The following RILPL2 variants were observed in gnomAD, a reference collection of about 807,000 sequenced individuals.
The protein encoded by RILPL2 is Rab interacting lysosomal protein like 2, also known as RILP-like protein 2.
A neutral mutation model predicts 22.2 loss-of-function variants in RILPL2; 19 were observed. That is an observed-to-expected ratio of 0.86 (90% CI 0.60 to 1.25). The LOEUF is 1.25. Ranked by LOEUF, RILPL2 falls within the 50% of genes most tolerant of loss-of-function variation. The pLI is 0.00. For synonymous variants in RILPL2, 123 were observed against 111.6 expected (o/e 1.10, Z -0.64); for missense variants, 243 against 263.6 (o/e 0.92, Z 0.54).
At position 123,430,565 on chromosome 12, in the gene RILPL2, C is replaced by T. The variant is rs762285761; in HGVS notation, c.434G>A (p.Arg145His). 1.2e-5 allele frequency: 19 copies of T among 1,612,680 alleles called. No homozygotes were observed. Among genetic ancestry groups the T allele is most frequent in the Admixed American group, 1.7e-5 (1 of 59,948 alleles). ...CAGGAGCTGCGACTTGAGTTTGTTG[C>T]GTTCCTGCAGCACATCCCTTAGCTC... ...LQELRDVLQE[R>H]NKLKSQLLVV... The change falls in exon 2 of 4, where the codon CGC (arginine) becomes CAC (histidine). Residue 145 changes from arginine (R) to histidine (H), a missense_variant. By Grantham distance (29) the Arg-to-His change is conservative. Coordinates refer to ENST00000280571, the MANE Select transcript of RILPL2 (RefSeq NM_145058.3).
At chr12:123,433,505 C>T (rs1004392881) in intron 1 of RILPL2, among the ~76,000 whole-genome samples, 1 of 152,178 alleles carries the variant, frequency 6.6e-6, no homozygotes, top group South Asian at 2.1e-4. Context: ...ACCTCTGCCA[C>T]CCGGGTTCAA....
intron 1 of RILPL2, among the ~76,000 whole-genome samples, chr12:123,435,042 T>C (rs1879755397): frequency 6.6e-6 from 1 of 150,878 alleles, no homozygotes. Flanking sequence ...TAGCCACGCG[T>C]GGTGGCACAC....
chr12:123,413,566 A>C (rs1709709640), downstream of RILPL2: 1 of 152,304 alleles, frequency 6.6e-6, no homozygotes, highest in African/African-American at 2.4e-5. Context: ...CAGCTCATAA[A>C]AGCAGTGTGG....
downstream of RILPL2, chr12:123,413,596 G>A (rs1056807835): frequency 3.9e-5 from 6 of 152,282 alleles, no homozygotes; most frequent in South Asian, 2.1e-4. Context: ...GTAAGCAGTA[G>A]TAAGATTTAT....
At chr12:123,409,761 CTG>C in the RILPL2 span, among the ~76,000 whole-genome samples, 3 of 121,878 alleles carry the variant, frequency 2.5e-5, no homozygotes, top group African/African-American at 6.7e-5. Context: ...GAATTTCACT[CTG>C]TTGCCCAGGT....
chr12:123,426,248 A>C (rs1879439392), intron 2 of RILPL2, among the ~76,000 whole-genome samples: 1 of 151,848 alleles, frequency 6.6e-6, no homozygotes, highest in Admixed American at 6.6e-5. Context: ...TCCTGGGTTC[A>C]AGTGATTCTT....
chr12:123,412,624 G>C (rs1022146509), downstream of RILPL2: 2 of 152,202 alleles, frequency 1.3e-5, no homozygotes, highest in Admixed American at 6.6e-5. Flanking sequence ...TCTAGCTGAG[G>C]ACCTTAGACA....
At chr12:123,412,451 T>C (rs1306177201), downstream of RILPL2, 3 of 152,208 alleles carry the variant, frequency 2.0e-5, no homozygotes, top group Non-Finnish European at 2.9e-5. Context: ...AGGGTTGCAG[T>C]GTTACACAGG....
Position 123,436,422 on chromosome 12 carries a change from G to T in RILPL2, c.-2C>A. On this transcript the variant is annotated 5_prime_UTR_variant, in exon 1 of 4. Coordinates refer to ENST00000280571, the MANE Select transcript of RILPL2 (RefSeq NM_145058.3). This position sits in a 1 kb window ranked among gnomAD's most constrained non-coding sequence, Gnocchi z 6.7. ...TTCTCGCACAGGGGGCTCCTCCATG[G>T]CCACCCAGACCCCCGCCGACCTCGG... 6.5e-7 allele frequency: 1 copy of T among 1,545,622 alleles called. No individual in the cohort carries two copies.
intron 3 of RILPL2, among the ~76,000 whole-genome samples, chr12:123,418,213 G>A (rs879648150): frequency 2.2e-4 from 34 of 152,334 alleles, no homozygotes; most frequent in Admixed American, 1.8e-3. Flanking sequence ...TGGGATTACA[G>A]GCATGAGCCA....
intron 3 of RILPL2, 90 bp from the exon 4 acceptor site, chr12:123,416,011 C>T (rs1425765239): frequency 3.2e-6 from 4 of 1,263,990 alleles, no homozygotes; most frequent in Non-Finnish European, 4.6e-6. Context: ...GTAGCTCTTG[C>T]AGCTGTTGAC....
At chr12:123,426,900 C>T (rs1258476806) in intron 2 of RILPL2, among the ~76,000 whole-genome samples, 1 of 151,394 alleles carries the variant, frequency 6.6e-6, no homozygotes, top group Non-Finnish European at 1.5e-5. Flanking sequence ...CCGCGGCCAG[C>T]CGACTCTTTC....
downstream of RILPL2, chr12:123,413,147 G>C (rs1375457177): frequency 6.5e-6 from 1 of 154,040 alleles, no homozygotes; most frequent in Non-Finnish European, 1.4e-5. Context: ...AGTGAACCCA[G>C]ATGGTGCCAC....
intron 1 of RILPL2, among the ~76,000 whole-genome samples, chr12:123,434,244 C>A (rs1161036647): frequency 6.6e-6 from 1 of 151,724 alleles, no homozygotes; most frequent in Non-Finnish European, 1.5e-5. Context: ...CATGGTGAGA[C>A]CCCCATCTCT....
intron 3 of RILPL2, 68 bp downstream of exon 3, chr12:123,422,976 T>A: frequency 8.5e-7 from 1 of 1,181,476 alleles, no homozygotes; most frequent in Non-Finnish European, 1.3e-6. Context: ...GGTCAGCCTC[T>A]TCTTGCCCCC....
At chr12:123,411,741 G>A (rs952015389), downstream of RILPL2, 3 of 151,288 alleles carry the variant, frequency 2.0e-5, no homozygotes, top group African/African-American at 7.3e-5. Context: ...GGCCAGGCTG[G>A]TCTCGAACTC....
intron 3 of RILPL2, among the ~76,000 whole-genome samples, chr12:123,416,636 T>C (rs1879127641): frequency 6.6e-6 from 1 of 152,142 alleles, no homozygotes; most frequent in Non-Finnish European, 1.5e-5. Context: ...TGAGACTCCG[T>C]CTCAAAAACA....
chr12:123,413,439 T>TA (rs1274384221), downstream of RILPL2: 1 of 153,290 alleles, frequency 6.5e-6, no homozygotes, highest in East Asian at 1.9e-4. Flanking sequence ...CTGCAGACCT[T>TA]CGTGGTGAGT....
chr12:123,423,669 T>C (rs1434595178), intron 2 of RILPL2, among the ~76,000 whole-genome samples: 2 of 151,422 alleles, frequency 1.3e-5, no homozygotes, highest in Non-Finnish European at 2.9e-5. Flanking sequence ...CTTTTTTTTT[T>C]TTGAGACGGA....
Sources: gnomAD v4.1 joint callset for allele counts (sites outside exome capture counted in the v4.1 genomes callset) on GRCh38, gnomAD v4.1.1 for gene constraint, Gnocchi (gnomAD v3.1) non-coding constraint, MANE v1.5 for transcripts, NCBI Gene and HGNC (gene_info 2026-07-23, HGNC 2026-07-21) for gene names.